The following PCDHGA2 variants were observed in gnomAD, a reference collection of about 807,000 sequenced individuals.
The protein encoded by PCDHGA2 is protocadherin gamma-A2.
PCDHGA2 carries 40 observed loss-of-function variants against 59.2 expected under a neutral mutation model. That is an observed-to-expected ratio of 0.68 (90% CI 0.52 to 0.88). PCDHGA2 has a LOEUF of 0.88. PCDHGA2 is among the 40% of genes least tolerant of loss of function. The probability of loss-of-function intolerance (pLI) is 0.00; values close to 1 mark genes in which losing one functional copy is unlikely to be tolerated. For synonymous variants in PCDHGA2, 560 were observed against 526.0 expected (o/e 1.06, Z -0.89); for missense variants, 1,226 against 1,204.0 (o/e 1.02, Z -0.27).
intron 1 of PCDHGA2, chr5:141,421,232 C>T (rs748347420): frequency 2.5e-6 from 4 of 1,590,252 alleles, no homozygotes; most frequent in African/African-American, 2.7e-5. Flanking sequence ...CCTGCCATGG[C>T]GAATCGGCTA....
chr5:141,501,333 A>ACACACACC (rs1186649373), intron 2 of PCDHGA2, among the ~76,000 whole-genome samples: 1 of 140,020 alleles, frequency 7.1e-6, no homozygotes, highest in African/African-American at 2.6e-5. Context: ...ACACACACAC[A>ACACACACC]CCCCAAACTC....
intron 1 of PCDHGA2, chr5:141,360,702 T>C: frequency 6.2e-7 from 1 of 1,613,942 alleles, no homozygotes; most frequent in Non-Finnish European, 8.5e-7. Context: ...CAGATGGTCG[T>C]AAATATCCTG....
intron 1 of PCDHGA2, among the ~76,000 whole-genome samples, chr5:141,445,668 G>C (rs899062385): frequency 6.6e-6 from 1 of 152,156 alleles, no homozygotes; most frequent in Non-Finnish European, 1.5e-5. Flanking sequence ...ATGAGTAGAA[G>C]TTATCTAGGT....
At chr5:141,395,542 T>TTGTTTGTTTG (rs1267535064) in intron 1 of PCDHGA2, 1 of 168,708 alleles carries the variant, frequency 5.9e-6, no homozygotes, top group African/African-American at 5.7e-5. Context: ...TTGCTATTGT[T>TTGTTTGTTTG]TGTGTGTGTG....
Position 141,376,478 on chromosome 5 carries a change from G to A in PCDHGA2, c.2424+35083G>A, listed in dbSNP as rs761214015. On this transcript the variant is annotated intron_variant, in intron 1 of 3. Coordinates refer to ENST00000394576, the MANE Select transcript of PCDHGA2 (RefSeq NM_018915.4). ...TCTTCTGATAACTCAGGATTTACTT[G>A]AAACGAAAGGAGAACCCAGGCAACT... The A allele has an allele frequency of 1.9e-6, 3 of 1,614,176 alleles. No individual in the cohort carries two copies. The South Asian group carries it at 3.3e-5, about 18-fold the overall frequency.
At chr5:141,398,387 G>T in intron 1 of PCDHGA2, 2 of 1,455,430 alleles carry the variant, frequency 1.4e-6, no homozygotes, top group Non-Finnish European at 1.9e-6. Context: ...TTGCTTGTGA[G>T]CAGCAGGCTA....
At chr5:141,421,999 T>C in intron 1 of PCDHGA2, 1 of 1,609,214 alleles carries the variant, frequency 6.2e-7, no homozygotes, top group Non-Finnish European at 8.5e-7. Context: ...AAACATCAGC[T>C]CCGGAACTCG....
At chr5:141,505,361 A>G (rs2099845711) in intron 2 of PCDHGA2, 32 bp from the exon 3 acceptor site, 1 of 1,613,910 alleles carries the variant, frequency 6.2e-7, no homozygotes, top group South Asian at 1.1e-5. Context: ...CCGGCCTGGG[A>G]GTCTGTGCTC....
intron 1 of PCDHGA2, chr5:141,412,746 C>T (rs2095574250): frequency 6.5e-6 from 1 of 154,106 alleles, no homozygotes; most frequent in Non-Finnish European, 1.4e-5. Context: ...ATATATTTAA[C>T]CAAACATTAT....
Position 141,339,521 on chromosome 5 carries a change from A to G in PCDHGA2, c.550A>G (p.Arg184Gly), listed in dbSNP as rs1318730422. 1 of 1,614,156 alleles carries G rather than the reference A, an allele frequency of 6.2e-7. No individual in the cohort carries two copies. Among genetic ancestry groups the G allele is most frequent in the African/African-American group, 1.3e-5 (1 of 75,034 alleles). ...TGACCACTTCTCCCTGGACGTGCGA[A>G]GGGGAGCTGATGGGAACAAGTACCC... ...PNDHFSLDVR[R>G]GADGNKYPEL... The change falls in exon 1 of 4, where the codon AGG becomes GGG. Residue 184 changes from arginine to glycine, a missense_variant. Physicochemically the swap from Arg to Gly is moderately radical, Grantham distance 125. Transcript: ENST00000394576.
intron 1 of PCDHGA2, among the ~76,000 whole-genome samples, chr5:141,380,184 G>A (rs1776280762): frequency 6.6e-6 from 1 of 152,160 alleles, no homozygotes; most frequent in South Asian, 2.1e-4. Flanking sequence ...ACAGGCATGA[G>A]CCACTGAGCC....
intron 1 of PCDHGA2, chr5:141,344,222 AGTCCGCATCGTCTCCAGAGGTAGGAC>A (rs772951832): frequency 1.2e-6 from 2 of 1,614,076 alleles, no homozygotes; most frequent in South Asian, 2.2e-5. Context: ...CGGAGCGCGG[AGTCCGCATCGTCTCCAGAGGTAGGAC>A]GCAGCTTTTC....
At chr5:141,370,466 G>A in intron 1 of PCDHGA2, 1 of 1,613,220 alleles carries the variant, frequency 6.2e-7, no homozygotes, top group Non-Finnish European at 8.5e-7. Flanking sequence ...TGCTCTCTTT[G>A]TTAGACCAGG....
chr5:141,433,204 C>CT, intron 1 of PCDHGA2: 2 of 1,566,944 alleles, frequency 1.3e-6, no homozygotes, highest in Admixed American at 2.0e-5. Flanking sequence ...ATCAAATCTT[C>CT]TTTCTTTTTT....
chr5:141,396,698 A>G (rs1003976752), intron 1 of PCDHGA2: 8 of 152,182 alleles, frequency 5.3e-5, no homozygotes, highest in African/African-American at 1.9e-4. Context: ...ACCTTCTTGT[A>G]GCATTTGAAT....
At chr5:141,399,372 T>C (rs1333971188) in intron 1 of PCDHGA2, 8 of 1,613,970 alleles carry the variant, frequency 5.0e-6, no homozygotes, top group Non-Finnish European at 6.8e-6. Flanking sequence ...CGGAGTACAA[T>C]GTCACCATCA....
intron 2 of PCDHGA2, 114 bp from the exon 3 acceptor site, chr5:141,505,279 C>T: frequency 6.5e-7 from 1 of 1,541,274 alleles, no homozygotes; most frequent in Non-Finnish European, 8.7e-7. Context: ...AGAAACAGGT[C>T]TTGGGCATGG....
intron 1 of PCDHGA2, chr5:141,375,792 A>G: frequency 6.2e-7 from 1 of 1,614,190 alleles, no homozygotes; most frequent in Non-Finnish European, 8.5e-7. Flanking sequence ...CTCCCCACAG[A>G]CGGTTCCACT....
At chr5:141,398,450 C>T in intron 1 of PCDHGA2, 1 of 1,574,388 alleles carries the variant, frequency 6.4e-7, no homozygotes, top group East Asian at 2.2e-5. Flanking sequence ...GAATTTGAGG[C>T]TGTTGCTGAA....
Sources: gnomAD v4.1 joint callset for allele counts (sites outside exome capture counted in the v4.1 genomes callset) on GRCh38, gnomAD v4.1.1 for gene constraint, MANE v1.5 for transcripts, NCBI Gene and HGNC (gene_info 2026-07-23, HGNC 2026-07-21) for gene names.